CDC42SE2: variants seen among roughly 807,000 people sequenced by gnomAD.
CDC42SE2 encodes the protein CDC42 small effector 2.
A neutral mutation model predicts 11.5 loss-of-function variants in CDC42SE2; 3 were observed. The ratio of observed to expected loss-of-function variants is 0.26; its 90% CI spans 0.12 to 0.67. The LOEUF (loss-of-function observed/expected upper bound fraction) is 0.67, where lower values mean the gene tolerates loss of function less well. Among genes scored for constraint, CDC42SE2 ranks in the 30% least tolerant of loss-of-function variants. CDC42SE2 has a pLI of 0.80. For missense variants in CDC42SE2, 82 were observed against 106.8 expected (o/e 0.77, Z 1.02); for synonymous variants, 33 against 34.8 (o/e 0.95, Z 0.18).
At chr5:131,380,969 G>A (rs761841839) in intron 3 of CDC42SE2, among the ~76,000 whole-genome samples, 2 of 152,156 alleles carry the variant, frequency 1.3e-5, no homozygotes, top group Non-Finnish European at 2.9e-5. Context: ...TGATATTGCT[G>A]AATCCATTGC....
chr5:131,295,185 A>G (rs1311631300), intron 1 of CDC42SE2, among the ~76,000 whole-genome samples: 2 of 151,098 alleles, frequency 1.3e-5, no homozygotes, highest in East Asian at 3.9e-4. Flanking sequence ...TGGGAGACTG[A>G]GGCATGAGAA....
At chr5:131,220,955 G>A in the CDC42SE2 span, among the ~76,000 whole-genome samples, 1 of 146,976 alleles carries the variant, frequency 6.8e-6, no homozygotes, top group Non-Finnish European at 1.5e-5. Context: ...CGCGATCTTG[G>A]CTCACTGCAG....
chr5:131,304,752 T>C (rs1245966642), intron 1 of CDC42SE2, among the ~76,000 whole-genome samples: 1 of 152,186 alleles, frequency 6.6e-6, no homozygotes, highest in Admixed American at 6.5e-5. Context: ...ATCCTTAGCA[T>C]TGAGATATAC....
In CDC42SE2 at chr5:131,359,556, GAAGTATGTGGACAC is replaced by G; in HGVS notation, c.54+11_54+24del. ...CAGAACAGCCTCAGCCTGTAAGTAT[GAAGTATGTGGACAC>G]ATCAGGTGGGGTGCTTATTAAACTT... On this transcript the variant is annotated intron_variant, in intron 3 of 4. Transcript: ENST00000505065. 1 of 1,603,770 alleles carries G rather than the reference GAAGTATGTGGACAC, an allele frequency of 6.2e-7. No homozygotes were observed. The highest frequency in any genetic ancestry group is 8.5e-7 in the Non-Finnish European group (1 of 1,170,602).
At chr5:131,363,449 T>G (rs1289218453) in intron 3 of CDC42SE2, among the ~76,000 whole-genome samples, 1 of 152,030 alleles carries the variant, frequency 6.6e-6, no homozygotes, top group Non-Finnish European at 1.5e-5. Context: ...CGATCTTGGC[T>G]CACTGCAACC....
chr5:131,215,363 G>A, the CDC42SE2 span, among the ~76,000 whole-genome samples: 2 of 152,194 alleles, frequency 1.3e-5, no homozygotes, highest in South Asian at 4.1e-4. Flanking sequence ...AAGAGAGAGA[G>A]AAAAGAATGG....
chr5:131,346,726 AC>A, intron 2 of CDC42SE2, among the ~76,000 whole-genome samples: 1 of 152,276 alleles, frequency 6.6e-6, no homozygotes, highest in African/African-American at 2.4e-5. Flanking sequence ...CATCACACTT[AC>A]TCCAAAACTG....
At chr5:131,251,236 G>T (rs10478978) in intron 1 of CDC42SE2, among the ~76,000 whole-genome samples, 1 of 152,002 alleles carries the variant, frequency 6.6e-6, no homozygotes, top group Non-Finnish European at 1.5e-5. Context: ...TTTGTAGTGC[G>T]CAAAAGAATA....
chr5:131,216,785 T>A, the CDC42SE2 span, among the ~76,000 whole-genome samples: 636 of 152,230 alleles, frequency 4.2e-3, 16 homozygotes, highest in East Asian at 0.038. Flanking sequence ...AGTCAACTCC[T>A]TCAAGAAATC....
chr5:131,333,232 C>G (rs1371338371), intron 2 of CDC42SE2, among the ~76,000 whole-genome samples: 1 of 152,156 alleles, frequency 6.6e-6, no homozygotes, highest in Non-Finnish European at 1.5e-5. Context: ...GGAATCCTTT[C>G]CCCATTTCTT....
At chr5:131,252,387 C>T (rs1421958778) in intron 1 of CDC42SE2, among the ~76,000 whole-genome samples, 2 of 152,234 alleles carry the variant, frequency 1.3e-5, no homozygotes, top group Non-Finnish European at 2.9e-5. Context: ...GTTGCGGTGG[C>T]TCACGCCTGT....
chr5:131,394,294 AAG>A lies in CDC42SE2; in HGVS notation c.*3206_*3207del, dbSNP rs1750785141. The stretch of plus-strand genomic sequence containing the variant: ...GTTAGCAGTGATCTGCATTCTGTAA[AAG>A]AGGTACTTTCCCATGATGTAGGCAT... On this transcript the variant is annotated 3_prime_UTR_variant, in exon 5 of 5. Transcript: ENST00000505065. 1 of 152,368 alleles carries A rather than the reference AAG, an allele frequency of 6.6e-6. No homozygotes were observed. The highest frequency in any genetic ancestry group is 2.4e-5 in the African/African-American group (1 of 41,458). The allele number at this position is 152,368 out of a possible 1,614,324, so 9.4% of individuals were successfully genotyped here.
chr5:131,224,800 A>G, the CDC42SE2 span, among the ~76,000 whole-genome samples: 1 of 151,812 alleles, frequency 6.6e-6, no homozygotes, highest in Non-Finnish European at 1.5e-5. Context: ...GGCCACAGAG[A>G]AAAGGGTGAC....
At chr5:131,225,649 CT>C in the CDC42SE2 span, among the ~76,000 whole-genome samples, 3 of 152,160 alleles carry the variant, frequency 2.0e-5, no homozygotes, top group Non-Finnish European at 4.4e-5. Flanking sequence ...CCCTACTTCC[CT>C]GCCTGAGAAA....
chr5:131,308,138 G>A (rs1055075148), intron 1 of CDC42SE2, among the ~76,000 whole-genome samples: 3 of 152,044 alleles, frequency 2.0e-5, no homozygotes, highest in Non-Finnish European at 2.9e-5. Flanking sequence ...GTAAGGAAGG[G>A]ATCCAGTTTC....
At chr5:131,229,016 A>T in the CDC42SE2 span, among the ~76,000 whole-genome samples, 1 of 152,324 alleles carries the variant, frequency 6.6e-6, no homozygotes, top group African/African-American at 2.4e-5. Context: ...GACTAATACA[A>T]TCCTGAGGTT....
At chr5:131,213,136 T>A in the CDC42SE2 span, among the ~76,000 whole-genome samples, 1 of 152,156 alleles carries the variant, frequency 6.6e-6, no homozygotes, top group African/African-American at 2.4e-5. Context: ...GAGGTTGCAG[T>A]GGGCCGAGCT....
At chr5:131,309,567 A>T (rs1447313121) in intron 1 of CDC42SE2, among the ~76,000 whole-genome samples, 4 of 151,206 alleles carry the variant, frequency 2.6e-5, no homozygotes, top group Admixed American at 2.6e-4. Context: ...CTGTGAATCC[A>T]TCTGGTCCTG....
upstream of CDC42SE2, among the ~76,000 whole-genome samples, chr5:131,244,687 G>A (rs1042830897): frequency 6.6e-6 from 1 of 152,070 alleles, no homozygotes; most frequent in Non-Finnish European, 1.5e-5. Context: ...CCGCAGCCTG[G>A]GCAACAGAGT....
Sources: allele counts gnomAD v4.1 joint callset (sites outside exome capture counted in the v4.1 genomes callset), GRCh38; gene constraint gnomAD v4.1.1; transcripts MANE v1.5; gene names NCBI Gene and HGNC (gene_info 2026-07-23, HGNC 2026-07-21).